Variants in PLEKHG1 observed in about 807,000 individuals in gnomAD.
PLEKHG1 encodes pleckstrin homology and RhoGEF domain containing G1, also known as pleckstrin homology domain-containing family G member 1.
A neutral mutation model predicts 100.8 loss-of-function variants in PLEKHG1; 44 were observed. The ratio of observed to expected loss-of-function variants is 0.44; its 90% CI spans 0.34 to 0.56. PLEKHG1 has a LOEUF of 0.56. Among genes scored for constraint, PLEKHG1 ranks in the 20% least tolerant of loss-of-function variants. The pLI is 0.01. For missense variants in PLEKHG1, 1,545 were observed against 1,720.9 expected (o/e 0.90, Z 1.81); for synonymous variants, 640 against 662.5 (o/e 0.97, Z 0.52).
At chr6:150,677,738 A>C (rs1033599515) in intron 3 of PLEKHG1, among the ~76,000 whole-genome samples, 2 of 151,998 alleles carry the variant, frequency 1.3e-5, no homozygotes, top group African/African-American at 4.8e-5. Flanking sequence ...TTAGCTGGAC[A>C]CGGTGGTGCA....
intron 2 of PLEKHG1, among the ~76,000 whole-genome samples, chr6:150,748,615 CTTTTT>C (rs746682669): frequency 5.1e-5 from 6 of 118,194 alleles, no homozygotes; most frequent in African/African-American, 6.9e-5. Flanking sequence ...TACCTTTGAC[CTTTTT>C]TTTTTTTTTT....
At chr6:150,765,352 G>T (rs58627911) in intron 2 of PLEKHG1, among the ~76,000 whole-genome samples, 32,980 of 151,642 alleles carry the variant, frequency 0.22, 4,534 homozygotes, top group African/African-American at 0.37. Context: ...AATTACCCAG[G>T]CATGATGGCA....
In PLEKHG1 at chr6:150,818,177, T is replaced by G. The variant is rs1316763993; in HGVS notation, c.1279-6T>G. Reference sequence around the variant, plus strand: ...TGGAATTACAGCTCTACTTTCTCTCTTTCAGGCCAAGCAAGCAATCCTTGA... The same window carrying G: ...TGGAATTACAGCTCTACTTTCTCTCGTTCAGGCCAAGCAAGCAATCCTTGA... On this transcript the variant is annotated splice_region_variant and splice_polypyrimidine_tract_variant and intron_variant, in intron 10 of 15. Coordinates refer to ENST00000358517, the Ensembl canonical transcript of PLEKHG1. 1.9e-6 allele frequency: 3 copies of G among 1,608,884 alleles called. No homozygotes were observed. Among genetic ancestry groups the G allele is most frequent in the Non-Finnish European group, 2.6e-6 (3 of 1,176,058 alleles).
At position 150,790,183 on chromosome 6, in the gene PLEKHG1, G is replaced by A. The variant is rs138978531; in HGVS notation, c.582+3724G>A. Among the ~76,000 whole-genome samples, 322 of 152,134 alleles carry A rather than the reference G, an allele frequency of 2.1e-3. 11 individuals carry two copies. In the East Asian group the frequency reaches 0.044, roughly 21 times the overall value. On this transcript the variant is annotated intron_variant, in intron 4 of 15. Transcript: ENST00000358517. ...ATTACAGGCATGTGCCACCACACCC[G>A]GCTAATTTTGTATTTATTTTTTTAG...
intron 1 of PLEKHG1, among the ~76,000 whole-genome samples, chr6:150,730,719 G>A (rs1227296196): frequency 1.3e-5 from 2 of 151,914 alleles, no homozygotes; most frequent in Admixed American, 6.6e-5. Context: ...CCTGGCCAAC[G>A]TGGTGAAACC....
chr6:150,728,561 G>C (rs1273969436), intron 1 of PLEKHG1, among the ~76,000 whole-genome samples: 1 of 150,724 alleles, frequency 6.6e-6, no homozygotes, highest in Non-Finnish European at 1.5e-5. Context: ...GGGTGACAGA[G>C]TGAGACCCTG....
At chr6:150,718,109 T>C (rs929294902), upstream of PLEKHG1, among the ~76,000 whole-genome samples, 7 of 152,144 alleles carry the variant, frequency 4.6e-5, no homozygotes, top group African/African-American at 1.7e-4. Context: ...AAAAATTAAA[T>C]GTTGCTGAGC....
chr6:150,821,737 A>G (rs1487392106), intron 13 of PLEKHG1, among the ~76,000 whole-genome samples: 1 of 152,070 alleles, frequency 6.6e-6, no homozygotes, highest in Non-Finnish European at 1.5e-5. Flanking sequence ...ATGACATAAA[A>G]TACTTGTAAT....
At chr6:150,702,872 C>T (rs1380174012) in intron 3 of PLEKHG1, among the ~76,000 whole-genome samples, 4 of 152,162 alleles carry the variant, frequency 2.6e-5, no homozygotes, top group Non-Finnish European at 5.9e-5. Context: ...CACTCTGTAG[C>T]TGATGACCTG....
chr6:150,629,210 A>C (rs1296361850), intron 1 of PLEKHG1, among the ~76,000 whole-genome samples: 1 of 152,214 alleles, frequency 6.6e-6, no homozygotes, highest in East Asian at 1.9e-4. Context: ...GCCATTTGAC[A>C]GTATCTGTCA....
intron 1 of PLEKHG1, chr6:150,625,914 G>A (rs1777488102): frequency 6.6e-6 from 1 of 152,152 alleles, no homozygotes; most frequent in Non-Finnish European, 1.5e-5. Flanking sequence ...GACACAACTG[G>A]ATATTAGATG....
intron 1 of PLEKHG1, among the ~76,000 whole-genome samples, chr6:150,628,812 T>C (rs1275426424): frequency 6.6e-6 from 1 of 152,166 alleles, no homozygotes; most frequent in Non-Finnish European, 1.5e-5. Flanking sequence ...CCCCAGGTAA[T>C]TCACTGGTTA....
chr6:150,825,137 G>T (rs1344871205), intron 14 of PLEKHG1, among the ~76,000 whole-genome samples: 1 of 152,102 alleles, frequency 6.6e-6, no homozygotes, highest in Non-Finnish European at 1.5e-5. Flanking sequence ...CTCAAGCCAG[G>T]TCCATATGGG....
intron 3 of PLEKHG1, among the ~76,000 whole-genome samples, chr6:150,777,567 T>A: frequency 7.1e-6 from 1 of 141,482 alleles, no homozygotes; most frequent in South Asian, 2.3e-4. Context: ...GCAATCCTGG[T>A]GTACATGTGC....
At chr6:150,653,905 T>A (rs963257639) in intron 3 of PLEKHG1, among the ~76,000 whole-genome samples, 2 of 152,188 alleles carry the variant, frequency 1.3e-5, no homozygotes, top group African/African-American at 4.8e-5. Context: ...GTTCCTTCTG[T>A]TTTCCTAAAA....
chr6:150,815,823 A>G (rs747461707), intron 10 of PLEKHG1, among the ~76,000 whole-genome samples: 8 of 152,172 alleles, frequency 5.3e-5, no homozygotes, highest in African/African-American at 1.9e-4. Context: ...AAATTATACT[A>G]CCCTTAAAAA....
At chr6:150,835,191 T>C (rs803407) in intron 15 of PLEKHG1, among the ~76,000 whole-genome samples, 128,835 of 152,102 alleles carry the variant, frequency 0.85, 54,938 homozygotes, top group African/African-American at 0.94. Flanking sequence ...GTTGCTCCCA[T>C]ATCTTAGAGC....
intron 3 of PLEKHG1, among the ~76,000 whole-genome samples, chr6:150,779,186 G>T (rs968301550): frequency 6.6e-6 from 1 of 151,984 alleles, no homozygotes; most frequent in South Asian, 2.1e-4. Context: ...TGGTTCTTGA[G>T]TGCCAGGCAT....
chr6:150,641,688 G>A (rs1385353826), intron 2 of PLEKHG1, among the ~76,000 whole-genome samples: 1 of 152,050 alleles, frequency 6.6e-6, no homozygotes. Context: ...TTGGTAGTAA[G>A]TGTAAAACGT....
Sources: gnomAD v4.1 joint callset for allele counts (sites outside exome capture counted in the v4.1 genomes callset) on GRCh38, gnomAD v4.1.1 for gene constraint, MANE v1.5 for transcripts, NCBI Gene and HGNC (gene_info 2026-07-23, HGNC 2026-07-21) for gene names.